CDH18: variants seen among roughly 807,000 people sequenced by gnomAD.
CDH18 encodes the protein cadherin-18.
Under a neutral mutation model 67.9 loss-of-function variants are expected in CDH18, and 31 were observed. The observed-to-expected ratio is 0.46, with a 90% CI of 0.34 to 0.62. The LOEUF (loss-of-function observed/expected upper bound fraction) is 0.62, where lower values mean the gene tolerates loss of function less well. CDH18 is among the 20% of genes least tolerant of loss of function. The pLI is 0.01. For missense variants in CDH18, 890 were observed against 975.5 expected, an observed-to-expected ratio of 0.91 and a Z score of 1.17; for synonymous variants, 362 against 347.2, an observed-to-expected ratio of 1.04 and a Z score of -0.48.
intron 2 of CDH18, among the ~76,000 whole-genome samples, chr5:19,868,829 T>A (rs1785899691): frequency 6.6e-6 from 1 of 152,142 alleles, no homozygotes; most frequent in South Asian, 2.1e-4. Flanking sequence ...CCAGCTCATG[T>A]CTGCACTGCA....
At chr5:19,755,530 T>C (rs1242383944) in intron 3 of CDH18, among the ~76,000 whole-genome samples, 1 of 69,704 alleles carries the variant, frequency 1.4e-5, no homozygotes, top group Non-Finnish European at 4.1e-5. Flanking sequence ...TATGCCCTGT[T>C]AGTTTTATAT....
At chr5:19,499,886 C>T (rs73760032) in intron 11 of CDH18, among the ~76,000 whole-genome samples, 1 of 152,026 alleles carries the variant, frequency 6.6e-6, no homozygotes, top group African/African-American at 2.4e-5. Flanking sequence ...AAACCAATAG[C>T]TTTCTGATCA....
Position 20,453,591 on chromosome 5 carries a change from G to A in CDH18, c.-580+121871C>T, listed in dbSNP as rs4604195. 4.6e-3 allele frequency among the ~76,000 whole-genome samples: 649 copies of A among 141,334 alleles called. 3 individuals are homozygous for A. The highest frequency in any genetic ancestry group is 0.015 in the African/African-American group (575 of 38,720). The allele number at this position is 141,334 out of a possible 152,430, so 92.7% of individuals were successfully genotyped here. ...TATATATATGTGTGTGTGTGTGTGTGTATATGTATATATATGTGTGTGTGT... is the reference window on the plus strand; with the variant it reads ...TATATATATGTGTGTGTGTGTGTGTATATATGTATATATATGTGTGTGTGT... On this transcript the variant is annotated intron_variant, in intron 1 of 14. Transcript: ENST00000507958.
chr5:19,592,720 C>A (rs1745372693), intron 6 of CDH18, among the ~76,000 whole-genome samples: 1 of 152,098 alleles, frequency 6.6e-6, no homozygotes, highest in Admixed American at 6.5e-5. Context: ...AATTTCTACA[C>A]AACACAGCCT....
chr5:20,333,007 GA>G (rs145322326), intron 1 of CDH18, among the ~76,000 whole-genome samples: 2,371 of 152,106 alleles, frequency 0.016, 58 homozygotes, highest in African/African-American at 0.054. Flanking sequence ...GACATGGAGA[GA>G]ACATGCAAAC....
At chr5:20,380,812 G>A (rs911939491) in intron 1 of CDH18, among the ~76,000 whole-genome samples, 1 of 152,022 alleles carries the variant, frequency 6.6e-6, no homozygotes, top group Non-Finnish European at 1.5e-5. Context: ...AAAGGAACAG[G>A]ATTATACTGA....
intron 2 of CDH18, among the ~76,000 whole-genome samples, chr5:19,849,559 TGAA>T (rs1332554281): frequency 6.6e-6 from 1 of 150,628 alleles, no homozygotes; most frequent in East Asian, 2.0e-4. Flanking sequence ...TATGTACCAA[TGAA>T]GTATACAAAT....
intron 2 of CDH18, among the ~76,000 whole-genome samples, chr5:20,196,573 T>C (rs899813223): frequency 6.6e-6 from 1 of 152,214 alleles, no homozygotes; most frequent in African/African-American, 2.4e-5. Context: ...ACTTAAGTCA[T>C]ACTTCTTATG....
intron 4 of CDH18, among the ~76,000 whole-genome samples, chr5:19,725,324 G>A (rs760240809): frequency 1.3e-5 from 2 of 152,132 alleles, no homozygotes; most frequent in Admixed American, 1.3e-4. Flanking sequence ...AGGCATCTAC[G>A]ACTAAAAGTT....
intron 5 of CDH18, among the ~76,000 whole-genome samples, chr5:19,670,799 A>G (rs1436772425): frequency 6.6e-6 from 1 of 152,118 alleles, no homozygotes; most frequent in Non-Finnish European, 1.5e-5. Context: ...ATGTATTATT[A>G]ATGGGAATAA....
intron 1 of CDH18, among the ~76,000 whole-genome samples, chr5:20,428,996 A>G (rs971087940): frequency 6.6e-6 from 1 of 152,104 alleles, no homozygotes; most frequent in Non-Finnish European, 1.5e-5. Context: ...TTCCCAAGGG[A>G]GAATGCTATA....
At chr5:20,480,532 T>G (rs969202450) in intron 1 of CDH18, among the ~76,000 whole-genome samples, 17 of 151,964 alleles carry the variant, frequency 1.1e-4, no homozygotes, top group African/African-American at 4.1e-4. Flanking sequence ...ATTCTCATGC[T>G]TTTGCCTCCC....
At chr5:20,114,207 C>A (rs1048807585) in intron 2 of CDH18, among the ~76,000 whole-genome samples, 1 of 152,108 alleles carries the variant, frequency 6.6e-6, no homozygotes, top group Admixed American at 6.6e-5. Flanking sequence ...TAAACTGTAC[C>A]TAAAAATATC....
chr5:19,823,511 ACAATT>A (rs1158405794), intron 3 of CDH18, among the ~76,000 whole-genome samples: 3 of 152,188 alleles, frequency 2.0e-5, no homozygotes, highest in Non-Finnish European at 4.4e-5. Flanking sequence ...TTCCCACAAC[ACAATT>A]CAACAAGAAG....
chr5:19,701,413 G>T (rs545944237), intron 5 of CDH18, among the ~76,000 whole-genome samples: 105 of 152,176 alleles, frequency 6.9e-4, no homozygotes, highest in African/African-American at 2.5e-3. Context: ...AAAAAAATAT[G>T]GCCCAAAGAG....
intron 2 of CDH18, among the ~76,000 whole-genome samples, chr5:20,110,459 G>A (rs150961494): frequency 0.011 from 1,716 of 152,248 alleles, 38 homozygotes; most frequent in African/African-American, 0.039. Context: ...GAGGTGGGTG[G>A]ATTACCTCAG....
chr5:19,681,923 G>C (rs912861684), intron 5 of CDH18, among the ~76,000 whole-genome samples: 2 of 151,950 alleles, frequency 1.3e-5, no homozygotes, highest in African/African-American at 4.8e-5. Flanking sequence ...GATTTAGGCT[G>C]TTTTTTAAGT....
intron 7 of CDH18, among the ~76,000 whole-genome samples, chr5:19,572,054 T>C (rs956307302): frequency 2.6e-5 from 4 of 152,166 alleles, no homozygotes; most frequent in Non-Finnish European, 5.9e-5. Flanking sequence ...TGCAATAATA[T>C]GTATTTGGTG....
At chr5:20,142,583 A>C (rs914810981) in intron 2 of CDH18, among the ~76,000 whole-genome samples, 2 of 148,792 alleles carry the variant, frequency 1.3e-5, no homozygotes, top group Admixed American at 6.7e-5. Context: ...CTGCCTCAGA[A>C]AAAAAAAAAA....
Sources: gnomAD v4.1 joint callset for allele counts (sites outside exome capture counted in the v4.1 genomes callset) on GRCh38, gnomAD v4.1.1 for gene constraint, MANE v1.5 for transcripts, NCBI Gene and HGNC (gene_info 2026-07-23, HGNC 2026-07-21) for gene names.